The following TATDN2 variants were observed in gnomAD, a reference collection of about 807,000 sequenced individuals.
The protein encoded by TATDN2 is TatD DNase domain containing 2.
In TATDN2, 44 loss-of-function variants were observed where a neutral mutation model predicts 60.3. The ratio of observed to expected loss-of-function variants is 0.73; its 90% CI spans 0.57 to 0.94. TATDN2 has a LOEUF of 0.94. TATDN2 is among the 40% of genes least tolerant of loss of function. The pLI is 0.00. For missense variants in TATDN2, 997 were observed against 948.0 expected (o/e 1.05, Z -0.68); for synonymous variants, 399 against 355.8 (o/e 1.12, Z -1.37).
Position 10,270,813 on chromosome 3 carries a change from C to T in TATDN2, c.1631C>T (p.Thr544Ile). Residue 544 changes from threonine (T) to isoleucine (I), a missense_variant, in exon 4 of 8, where the codon ACA (threonine) becomes ATA (isoleucine). By Grantham distance (89) the Thr-to-Ile change is moderately conservative. Coordinates refer to ENST00000448281, the MANE Select transcript of TATDN2 (RefSeq NM_014760.4). The stretch of plus-strand genomic sequence containing the variant: ...GACTTCTGTGATCCCCGCACCCTGA[C>T]AGATTGCCTATGGGAGGAGCTGTTG... Reference protein sequence around the residue: ...ISDFCDPRTLTDCLWEELLKE... With the variant: ...ISDFCDPRTLIDCLWEELLKE... 6.2e-7 allele frequency: 1 copy of T among 1,614,176 alleles called. No individual in the cohort carries two copies. The highest frequency in any genetic ancestry group is 8.5e-7 in the Non-Finnish European group (1 of 1,180,024).
Position 10,270,487 on chromosome 3 carries a change from G to T in TATDN2, c.1305G>T (p.Glu435Asp), listed in dbSNP as rs1227767233. The part of the protein sequence containing the change: ...GSVQNTSRDM[E>D]ASEEGWSQNS... Reference sequence around the variant, plus strand: ...TCCAAAACACCTCCAGAGACATGGAGGCCTCAGAGGAAGGCTGGTCCCAGA... The same window carrying T: ...TCCAAAACACCTCCAGAGACATGGATGCCTCAGAGGAAGGCTGGTCCCAGA... Residue 435 changes from glutamate (E) to aspartate (D), a missense_variant, in exon 4 of 8, where the codon GAG becomes GAT. By Grantham distance (45) the Glu-to-Asp change is conservative. Transcript: ENST00000448281. 6.2e-7 allele frequency: 1 copy of T among 1,614,072 alleles called. No homozygotes were observed. The highest frequency in any genetic ancestry group is 2.2e-5 in the East Asian group (1 of 44,896).
rs117425597 is a variant in TATDN2, at chr3:10,270,234, C to A, written c.1052C>A (p.Ser351Tyr). The A allele has an allele frequency of 6.2e-7, 1 of 1,614,070 alleles. No homozygotes were observed. The highest frequency in any genetic ancestry group is 8.5e-7 in the Non-Finnish European group (1 of 1,180,036). Reference protein sequence around the residue: ...TVRFSQEEPVSLKPSAVPEPS... With the variant: ...TVRFSQEEPVYLKPSAVPEPS... ...AGATTCTCTCAGGAGGAACCTGTCT[C>A]CCTGAAACCTTCAGCCGTTCCGGAG... Residue 351 changes from serine (S) to tyrosine (Y), a missense_variant, in exon 4 of 8, where the codon TCC becomes TAC. Transcript: ENST00000448281.
chr3:10,259,647 G>T (rs750832749), intron 2 of TATDN2, among the ~76,000 whole-genome samples: 2 of 152,210 alleles, frequency 1.3e-5, no homozygotes, highest in Non-Finnish European at 2.9e-5. Context: ...TGTTTGCAGA[G>T]AACTTTCAGG....
At chr3:10,253,210 A>G (rs1208921077) in intron 2 of TATDN2, among the ~76,000 whole-genome samples, 1 of 152,008 alleles carries the variant, frequency 6.6e-6, no homozygotes, top group Non-Finnish European at 1.5e-5. Context: ...TATGTTGACC[A>G]GGCTGGTCTC....
At position 10,257,616 on chromosome 3, in the gene TATDN2, A is replaced by C. The variant is rs1049547438; in HGVS notation, c.415-2521A>C. Among the ~76,000 whole-genome samples the C allele has an allele frequency of 1.1e-4, 16 of 149,738 alleles. 2 individuals carry two copies. The highest frequency in any genetic ancestry group is 2.9e-4 in the African/African-American group (12 of 41,194). On this transcript the variant is annotated intron_variant, in intron 2 of 7. Transcript: ENST00000448281. Reference sequence around the variant, plus strand: ...TGTCTCCAAAAAAAAAAAAAACAAAAAAAAAAAACAAAAATGACCCGTAAC... The same window carrying C: ...TGTCTCCAAAAAAAAAAAAAACAAACAAAAAAAACAAAAATGACCCGTAAC...
intron 2 of TATDN2, among the ~76,000 whole-genome samples, chr3:10,259,014 C>T (rs992615813): frequency 5.3e-5 from 8 of 152,092 alleles, no homozygotes; most frequent in Admixed American, 2.6e-4. Context: ...GGATCACAGG[C>T]GTGTGCCACC....
intron 3 of TATDN2, 88 bp downstream of exon 3, chr3:10,260,758 A>G: frequency 6.9e-7 from 1 of 1,455,808 alleles, no homozygotes; most frequent in Non-Finnish European, 9.2e-7. Flanking sequence ...AAGTGTTACT[A>G]ATTAAAAATA....
intron 3 of TATDN2, among the ~76,000 whole-genome samples, chr3:10,266,703 A>C (rs1698479339): frequency 6.6e-6 from 1 of 152,198 alleles, no homozygotes; most frequent in Non-Finnish European, 1.5e-5. Flanking sequence ...TATTCCAATG[A>C]AACCTTATTT....
chr3:10,269,230 A>G (rs920008242), intron 3 of TATDN2, among the ~76,000 whole-genome samples: 1 of 152,230 alleles, frequency 6.6e-6, no homozygotes, highest in African/African-American at 2.4e-5. Context: ...AGAGTGAGCA[A>G]GTGGAGTGAA....
chr3:10,272,919 G>A (rs184447341), intron 4 of TATDN2, among the ~76,000 whole-genome samples: 1 of 151,884 alleles, frequency 6.6e-6, no homozygotes, highest in East Asian at 1.9e-4. Flanking sequence ...CATGCCTGGG[G>A]TCCCAGCTAC....
At position 10,278,853 on chromosome 3, in the gene TATDN2, C is replaced by T. The variant is rs1166489181; in HGVS notation, c.2146-32C>T. On this transcript the variant is annotated intron_variant, in intron 6 of 7. Transcript: ENST00000448281. This position sits in a 1 kb window ranked among gnomAD's most constrained non-coding sequence, Gnocchi z 4.7. The stretch of plus-strand genomic sequence containing the variant: ...AGATTATGACTGTGCACACATGGCA[C>T]AATGATGTTATGACCACTTGATGTC... The T allele has an allele frequency of 1.2e-6, 2 of 1,613,902 alleles. No individual in the cohort carries two copies. Among genetic ancestry groups the T allele is most frequent in the Admixed American group, 3.3e-5 (2 of 59,954 alleles).
chr3:10,265,210 G>C (rs1284833889), intron 3 of TATDN2, among the ~76,000 whole-genome samples: 5 of 150,278 alleles, frequency 3.3e-5, no homozygotes, highest in African/African-American at 9.7e-5. Context: ...CTGAGCAGCT[G>C]GGATTACAGG....
chr3:10,251,884 C>T (rs1395208122), intron 2 of TATDN2, among the ~76,000 whole-genome samples: 2 of 149,752 alleles, frequency 1.3e-5, no homozygotes, highest in East Asian at 2.1e-4. Flanking sequence ...CGTGGTGGCT[C>T]ACGCCTGTAA....
chr3:10,258,876 CTT>C (rs56312703), intron 2 of TATDN2, among the ~76,000 whole-genome samples: 5 of 146,290 alleles, frequency 3.4e-5, no homozygotes, highest in African/African-American at 1.0e-4. Flanking sequence ...GCAATTTTGC[CTT>C]TTTTTTTTTG....
intron 3 of TATDN2, among the ~76,000 whole-genome samples, chr3:10,265,282 G>A (rs1336399857): frequency 6.7e-6 from 1 of 149,778 alleles, no homozygotes; most frequent in Non-Finnish European, 1.5e-5. Context: ...TCACCATGCT[G>A]GTCAGGCTGG....
At chr3:10,257,263 C>A (rs527287747) in intron 2 of TATDN2, among the ~76,000 whole-genome samples, 145 of 140,770 alleles carry the variant, frequency 1.0e-3, no homozygotes, top group African/African-American at 3.0e-3. Context: ...CCAGCCTGGA[C>A]AACAGAGTGA....
At chr3:10,279,092 A>C in intron 7 of TATDN2, 29 bp downstream of exon 7, 2 of 1,562,724 alleles carry the variant, frequency 1.3e-6, no homozygotes, top group Non-Finnish European at 1.7e-6. Context: ...TGTATTTTTT[A>C]AAAACCAGGA....
At chr3:10,261,365 C>CTTTTTTTTTTTT (rs58599009) in intron 3 of TATDN2, among the ~76,000 whole-genome samples, 1 of 134,036 alleles carries the variant, frequency 7.5e-6, no homozygotes, top group Non-Finnish European at 1.6e-5. Context: ...CCATCTTTTT[C>CTTTTTTTTTTTT]TTTTTTTTTT....
chr3:10,265,761 A>T (rs1383302945), intron 3 of TATDN2, among the ~76,000 whole-genome samples: 1 of 142,130 alleles, frequency 7.0e-6, no homozygotes. Flanking sequence ...TTGCACCTTT[A>T]TTTTTCTGTG....
Sources: allele counts gnomAD v4.1 joint callset (sites outside exome capture counted in the v4.1 genomes callset), GRCh38; gene constraint gnomAD v4.1.1; non-coding constraint Gnocchi (gnomAD v3.1); transcripts MANE v1.5; gene names NCBI Gene and HGNC (gene_info 2026-07-23, HGNC 2026-07-21).